CSNK1D: variants seen among roughly 807,000 people sequenced by gnomAD.
CSNK1D encodes casein kinase I isoform delta.
In CSNK1D, 16 loss-of-function variants were observed where a neutral mutation model predicts 46.6. The ratio of observed to expected loss-of-function variants is 0.34; its 90% confidence interval spans 0.23 to 0.52. The LOEUF (loss-of-function observed/expected upper bound fraction) is 0.52, where lower values mean the gene tolerates loss of function less well. CSNK1D is among the 20% of genes least tolerant of loss of function. The pLI is 0.95. For missense variants in CSNK1D, 398 were observed against 578.4 expected (o/e 0.69, Z 3.20); for synonymous variants, 276 against 228.2 (o/e 1.21, Z -1.89).
Position 82,273,249 on chromosome 17 carries a change from C to A in CSNK1D, c.76+57G>T. The A allele has an allele frequency of 1.3e-6, 2 of 1,547,112 alleles. No individual in the cohort carries two copies. The highest frequency in any genetic ancestry group is 1.8e-6 in the Non-Finnish European group (2 of 1,141,226). ...ACTTCCTTCCGCGATCGCGCTTGGTCTTGGCAGCCGCAGGGCCCGGGTCTT... is the reference window on the plus strand; with the variant it reads ...ACTTCCTTCCGCGATCGCGCTTGGTATTGGCAGCCGCAGGGCCCGGGTCTT... On this transcript the variant is annotated intron_variant, in intron 1 of 8. Transcript: ENST00000314028. The surrounding 1 kb of genome is among the most constrained non-coding windows in gnomAD (Gnocchi z 5.1).
Position 82,253,688 on chromosome 17 carries a change from G to A in CSNK1D, c.337-444C>T, listed in dbSNP as rs2051073720. ...CCGAGAAGGTGGCCTCCAAGCCAGT[G>A]AGCTGAGCCACCAGAGCCTCGAGAA... On this transcript the variant is annotated intron_variant, in intron 3 of 8. Coordinates refer to ENST00000314028, the MANE Select transcript of CSNK1D (RefSeq NM_001893.6). 7 of 346,476 alleles carry A rather than the reference G, an allele frequency of 2.0e-5. No homozygotes were observed. The East Asian group carries it at 2.4e-4, about 12-fold the overall frequency. The allele number at this position is 346,476 out of a possible 1,614,324, so 21.5% of individuals were successfully genotyped here. A position where few individuals can be genotyped will look rare whatever the true frequency, so the allele number is the denominator to read the frequency against.
At position 82,255,258 on chromosome 17, in the gene CSNK1D, G is replaced by A. The variant is rs889120368; in HGVS notation, c.336+171C>T. 49 of 800,848 alleles carry A rather than the reference G, an allele frequency of 6.1e-5. No individual in the cohort carries two copies. Among genetic ancestry groups the A allele is most frequent in the African/African-American group, 8.5e-5 (5 of 58,932 alleles). The allele number at this position is 800,848 out of a possible 1,614,324, so 49.6% of individuals were successfully genotyped here. A position where few individuals can be genotyped will look rare whatever the true frequency, so the allele number is the denominator to read the frequency against. On this transcript the variant is annotated intron_variant, in intron 3 of 8. Transcript: ENST00000314028. This position sits in a 1 kb window ranked among gnomAD's most constrained non-coding sequence, Gnocchi z 5.9. ...CGAGAAGCCAGTGAGCGGAGCCACC[G>A]GAGCCTCGAGAAGCCAGTGAGCTGA...
intron 3 of CSNK1D, among the ~76,000 whole-genome samples, chr17:82,254,874 G>A (rs1307357526): frequency 3.0e-5 from 4 of 134,842 alleles, no homozygotes; most frequent in Admixed American, 2.9e-4. Context: ...TGAGCCGCCG[G>A]GGGCCTCGAG....
rs759929828 is a variant in CSNK1D, at chr17:82,251,413, T to A, written c.851A>T (p.Tyr284Phe). 1 of 1,614,098 alleles carries A rather than the reference T, an allele frequency of 6.2e-7. No homozygotes were observed. The highest frequency in any genetic ancestry group is 8.5e-7 in the Non-Finnish European group (1 of 1,180,020). ...RNLFHRQGFS[Y>F]DYVFDWNMLK... ...CATGTTCCAGTCGAACACGTAGTCATAGGAGAAGCCCTGGCGATGGAACAG... is the reference window on the plus strand; with the variant it reads ...CATGTTCCAGTCGAACACGTAGTCAAAGGAGAAGCCCTGGCGATGGAACAG... Residue 284 changes from tyrosine to phenylalanine, a missense_variant, in exon 6 of 9, where the codon TAT becomes TTT. Around this residue, in one of 2 missense-constraint regions of CSNK1D, gnomAD observed 181 missense variants for 208.0 expected, o/e 0.87. Coordinates refer to ENST00000314028, the MANE Select transcript of CSNK1D (RefSeq NM_001893.6). This position sits in a 1 kb window ranked among gnomAD's most constrained non-coding sequence, Gnocchi z 4.5.
At chr17:82,268,960 G>A (rs1199722309) in intron 1 of CSNK1D, among the ~76,000 whole-genome samples, 1 of 151,980 alleles carries the variant, frequency 6.6e-6, no homozygotes, top group Non-Finnish European at 1.5e-5. Flanking sequence ...AGCCAGGCAT[G>A]CTGGTGTGCG....
intron 2 of CSNK1D, among the ~76,000 whole-genome samples, chr17:82,261,327 G>A (rs1009076072): frequency 1.3e-5 from 2 of 152,170 alleles, no homozygotes; most frequent in African/African-American, 4.8e-5. Flanking sequence ...TGCTGTCACG[G>A]TGGGAAGCGG....
chr17:82,254,936 T>C (rs866661405), intron 3 of CSNK1D, among the ~76,000 whole-genome samples: 966 of 69,054 alleles, frequency 0.014, 14 homozygotes, highest in Middle Eastern at 0.025. Context: ...AGCTGAGCCA[T>C]CGGAGCCTCG....
chr17:82,273,353 C>G lies in CSNK1D; in HGVS notation c.29G>C (p.Arg10Pro). Residue 10 changes from arginine (R) to proline (P), a missense_variant, in exon 1 of 9, where the codon CGG becomes CCG. Transcript: ENST00000314028. The surrounding 1 kb of genome is among the most constrained non-coding windows in gnomAD (Gnocchi z 5.1). Reference protein sequence around the residue: MELRVGNRYRLGRKIGSGSF... With the variant: MELRVGNRYPLGRKIGSGSF... Reference sequence around the variant, plus strand: ...GCCGCTGCCGATCTTCCGGCCCAGCCGGTACCTGTTCCCGACTCTCAGCTC... The same window carrying G: ...GCCGCTGCCGATCTTCCGGCCCAGCGGGTACCTGTTCCCGACTCTCAGCTC... The G allele has an allele frequency of 6.2e-7, 1 of 1,611,298 alleles. No individual in the cohort carries two copies. Among genetic ancestry groups the G allele is most frequent in the Non-Finnish European group, 8.5e-7 (1 of 1,179,506 alleles).
rs1423563388 is a variant in CSNK1D at position 82,249,729 on chromosome 17, G to GC, written c.886-128dup. ...GCACTGGGACGAGACTGCCTGCAAA[G>GC]CCCCCCACAGGCTGCACGTTTCTCC... is the stretch of plus-strand genomic sequence containing the variant. On this transcript the variant is annotated intron_variant, in intron 6 of 8. Transcript: ENST00000314028. This position sits in a 1 kb window ranked among gnomAD's most constrained non-coding sequence, Gnocchi z 6.7. 33 of 1,513,132 alleles carry GC rather than the reference G, an allele frequency of 2.2e-5. No homozygotes were observed. The highest frequency in any genetic ancestry group is 2.6e-5 in the Non-Finnish European group (30 of 1,134,080). The allele number at this position is 1,513,132 out of a possible 1,614,324, so 93.7% of individuals were successfully genotyped here.
rs113130955 is a variant in CSNK1D, at chr17:82,271,312, C to T, written c.76+1994G>A. ...GCTGGTCTCCTGACCTCAAGCGACC[C>T]GCCCACCTCAGCTTCCCAAAGTGCT... On this transcript the variant is annotated intron_variant, in intron 1 of 8. Coordinates refer to ENST00000314028, the MANE Select transcript of CSNK1D (RefSeq NM_001893.6). Among the ~76,000 whole-genome samples the T allele has an allele frequency of 1.0e-3, 155 of 152,252 alleles. 1 individual carries two copies. The highest frequency in any genetic ancestry group is 3.4e-3 in the African/African-American group (141 of 41,542).
chr17:82,243,583 T>C lies in CSNK1D; in HGVS notation c.*1198A>G. 5 of 985,494 alleles carry C rather than the reference T, an allele frequency of 5.1e-6. No homozygotes were observed. The highest frequency in any genetic ancestry group is 6.0e-6 in the Non-Finnish European group (5 of 829,964). The allele number at this position is 985,494 out of a possible 1,614,324, so 61.0% of individuals were successfully genotyped here. On this transcript the variant is annotated 3_prime_UTR_variant, in exon 9 of 9. Transcript: ENST00000314028. ...CAACAGAAGGTCACAGCGCAGACTCTACTTTCTGGCCGTGAAGGTTCTGGG... is the reference window on the plus strand; with the variant it reads ...CAACAGAAGGTCACAGCGCAGACTCCACTTTCTGGCCGTGAAGGTTCTGGG...
rs975472022 is a variant in CSNK1D, at chr17:82,251,399, C to A, written c.865G>T (p.Asp289Tyr). ...RQGFSYDYVF[D>Y]WNMLKFGASR... ...CTTACAAATTTGAGCATGTTCCAGT[C>A]GAACACGTAGTCATAGGAGAAGCCC... is the stretch of plus-strand genomic sequence containing the variant. The change falls in exon 6 of 9, where the codon GAC (aspartate) becomes TAC (tyrosine). Residue 289 changes from aspartate to tyrosine, a missense_variant. Asp to Tyr is a radical substitution (Grantham distance 160, BLOSUM62 -3). Transcript: ENST00000314028. This position sits in a 1 kb window ranked among gnomAD's most constrained non-coding sequence, Gnocchi z 4.5. The A allele has an allele frequency of 1.2e-6, 2 of 1,613,994 alleles. No homozygotes were observed. The highest frequency in any genetic ancestry group is 1.7e-5 in the Admixed American group (1 of 59,992).
rs1196520930 is a variant in CSNK1D at position 82,273,446 on chromosome 17, GGCGCCGCTGCTGCC to G, written c.-79_-66del. 1.5e-5 allele frequency: 23 copies of G among 1,584,984 alleles called. No individual in the cohort carries two copies. Among genetic ancestry groups the G allele is most frequent in the South Asian group, 1.1e-4 (10 of 88,832 alleles). On this transcript the variant is annotated 5_prime_UTR_variant, in exon 1 of 9. Transcript: ENST00000314028. The surrounding 1 kb of genome is among the most constrained non-coding windows in gnomAD (Gnocchi z 5.1). ...TTCCTGGGTCTGAACTCTGGGAGGCGGCGCCGCTGCTGCCGCTACTGCGGGTCCGGCTCCCGGCT... is the reference window on the plus strand; with the variant it reads ...TTCCTGGGTCTGAACTCTGGGAGGCGGCTACTGCGGGTCCGGCTCCCGGCT...
rs2051039129 is a variant in CSNK1D, at chr17:82,252,501, C to T, written c.669G>A (p.Gln223=). 2 of 1,614,036 alleles carry T rather than the reference C, an allele frequency of 1.2e-6. No individual in the cohort carries two copies. Among genetic ancestry groups the T allele is most frequent in the African/African-American group, 2.7e-5 (2 of 74,920 alleles). The change falls in exon 5 of 9, where the codon CAG becomes CAA. Residue 223 remains glutamine (Q), a synonymous_variant. Transcript: ENST00000314028. This position sits in a 1 kb window ranked among gnomAD's most constrained non-coding sequence, Gnocchi z 4.6. ...WQGLKAATKR[Q]KYERISEKKM... ...TCTTCTCGCTAATCCTTTCGTATTT[C>T]TGTCTCTTGGTGGCAGCCTTCAGCC...
chr17:82,246,776 G>A (rs1263222734), intron 8 of CSNK1D: 9 of 991,052 alleles, frequency 9.1e-6, no homozygotes, highest in Non-Finnish European at 9.6e-6. Context: ...CAGGGCGCAA[G>A]GTCTCCTGAG....
chr17:82,253,599 T>G, intron 3 of CSNK1D: 1 of 366,064 alleles, frequency 2.7e-6, no homozygotes, highest in South Asian at 2.2e-5. Context: ...CGGAGGTGCT[T>G]AGGAATCACG....
At chr17:82,264,621 A>G (rs9902400) in intron 2 of CSNK1D, among the ~76,000 whole-genome samples, 1,533 of 152,184 alleles carry the variant, frequency 0.01, 19 homozygotes, top group African/African-American at 0.035. Flanking sequence ...CCCAGAGAGT[A>G]TGAAGGGACT....
intron 8 of CSNK1D, chr17:82,245,865 C>T (rs910389309): frequency 4.2e-5 from 47 of 1,119,384 alleles, no homozygotes; most frequent in Non-Finnish European, 5.9e-5. Context: ...CTCACTCTAC[C>T]TCCAGCACCT....
rs1170551530 is a variant in CSNK1D, at chr17:82,251,259, T to A, written c.885+120A>T. ...GGTCCTGCCCACTACACACTTGCCC[T>A]TCACAACCAGAGACACTCCCTATAT... is the stretch of plus-strand genomic sequence containing the variant. On this transcript the variant is annotated intron_variant, in intron 6 of 8. Coordinates refer to ENST00000314028, the MANE Select transcript of CSNK1D (RefSeq NM_001893.6). The surrounding 1 kb of genome is among the most constrained non-coding windows in gnomAD (Gnocchi z 4.5). 4.8e-6 allele frequency: 6 copies of A among 1,258,084 alleles called. No homozygotes were observed. The highest frequency in any genetic ancestry group is 1.5e-5 in the African/African-American group (1 of 67,606). 77.9% of individuals were successfully genotyped at this position (1,258,084 alleles called of 1,614,324 possible). A position where few individuals can be genotyped will look rare whatever the true frequency, so the allele number is the denominator to read the frequency against.
Sources: gnomAD v4.1 joint callset for allele counts (sites outside exome capture counted in the v4.1 genomes callset) on GRCh38, gnomAD v4.1.1 for gene constraint, gnomAD v4.1.1 regional missense constraint, Gnocchi (gnomAD v3.1) non-coding constraint, MANE v1.5 for transcripts, NCBI Gene and HGNC (gene_info 2026-07-23, HGNC 2026-07-21) for gene names.